Variants in CRTC3 observed in about 807,000 individuals in gnomAD.
The protein encoded by CRTC3 is CREB regulated transcription coactivator 3, also known as CREB-regulated transcription coactivator 3.
A neutral mutation model predicts 74.5 loss-of-function variants in CRTC3; 26 were observed. The ratio of observed to expected loss-of-function variants is 0.35; its 90% CI spans 0.26 to 0.48. The LOEUF (loss-of-function observed/expected upper bound fraction) is 0.48, where lower values mean the gene tolerates loss of function less well. Ranked by LOEUF, CRTC3 falls within the 20% of genes least tolerant of loss-of-function variation. The probability of loss-of-function intolerance (pLI) is 0.99; values close to 1 mark genes in which losing one functional copy is unlikely to be tolerated. For missense variants in CRTC3, 760 were observed against 787.3 expected (o/e 0.97, Z 0.41); for synonymous variants, 377 against 325.8 (o/e 1.16, Z -1.69).
intron 2 of CRTC3, among the ~76,000 whole-genome samples, chr15:90,593,281 G>A (rs1967842645): frequency 6.6e-6 from 1 of 152,184 alleles, no homozygotes; most frequent in South Asian, 2.1e-4. Flanking sequence ...CTCGTGGCTT[G>A]CCAGTTTCTT....
rs553743539 is a variant in CRTC3, at chr15:90,641,811, G to C, written c.1652-121G>C. ...TTCCAGGGCAAGAACTGTGGGCCTGGGGGTGGTCAGGATGTGTGGGATAGC... is the reference window on the plus strand; with the variant it reads ...TTCCAGGGCAAGAACTGTGGGCCTGCGGGTGGTCAGGATGTGTGGGATAGC... On this transcript the variant is annotated intron_variant, in intron 14 of 14. Coordinates refer to ENST00000268184, the MANE Select transcript of CRTC3 (RefSeq NM_022769.5). 4 of 739,528 alleles carry C rather than the reference G, an allele frequency of 5.4e-6. No homozygotes were observed. In the East Asian group the frequency reaches 7.5e-5, roughly 14 times the overall value. The allele number at this position is 739,528 out of a possible 1,614,324, so 45.8% of individuals were successfully genotyped here. A position where few individuals can be genotyped will look rare whatever the true frequency, so the allele number is the denominator to read the frequency against.
In CRTC3 at chr15:90,581,761, C is replaced by T. The variant is rs1348755342; in HGVS notation, c.232-11875C>T. On this transcript the variant is annotated intron_variant, in intron 2 of 14. Transcript: ENST00000268184. ...CCCTTTGTTTTTTCTCTTTTAATTC[C>T]AAATTACAATCTCTTCTAAACTCAG... 3.3e-5 allele frequency among the ~76,000 whole-genome samples: 5 copies of T among 152,126 alleles called. No homozygotes were observed. In the South Asian group the frequency reaches 1.0e-3, roughly 32 times the overall value.
rs1227320820 is a variant in CRTC3 at position 90,612,956 on chromosome 15, TG to T, written c.578-1494del. On this transcript the variant is annotated intron_variant, in intron 6 of 14. Coordinates refer to ENST00000268184, the MANE Select transcript of CRTC3 (RefSeq NM_022769.5). ...GCTCACACCTGTAATCCCAGCACTT[TG>T]GGAGGCTGAGGCAGACAGATTACCT... 2.6e-5 allele frequency among the ~76,000 whole-genome samples: 4 copies of T among 152,190 alleles called. No homozygotes were observed. The East Asian group carries it at 7.7e-4, about 29-fold the overall frequency.
chr15:90,575,584 C>T (rs1028995169), intron 2 of CRTC3, among the ~76,000 whole-genome samples: 6 of 152,040 alleles, frequency 3.9e-5, no homozygotes, highest in African/African-American at 7.3e-5. Context: ...ATCTTTTCTC[C>T]GATAGTTTAA....
chr15:90,615,084 A>AATT (rs1567185506), intron 7 of CRTC3, among the ~76,000 whole-genome samples: 46 of 147,546 alleles, frequency 3.1e-4, no homozygotes, highest in African/African-American at 1.2e-3. Flanking sequence ...ATAAATAAAT[A>AATT]AATAAATTAA....
rs532837017 is a variant in CRTC3, at chr15:90,643,294, G to C, written c.*1154G>C. ...CCCTTCCCTGCCAGATCTTCTCAGA[G>C]CTTTAGCTTTTCTAGCACTCGTGCC... On this transcript the variant is annotated 3_prime_UTR_variant, in exon 15 of 15. Coordinates refer to ENST00000268184, the MANE Select transcript of CRTC3 (RefSeq NM_022769.5). 8.6e-6 allele frequency: 2 copies of C among 231,958 alleles called. No individual in the cohort carries two copies. Among genetic ancestry groups the C allele is most frequent in the East Asian group, 1.2e-4 (2 of 16,380 alleles). 14.4% of individuals were successfully genotyped at this position (231,958 alleles called of 1,614,324 possible). A position where few individuals can be genotyped will look rare whatever the true frequency, so the allele number is the denominator to read the frequency against.
chr15:90,546,446 A>G lies in CRTC3; in HGVS notation c.231+6309A>G, dbSNP rs371134188. On this transcript the variant is annotated intron_variant, in intron 2 of 14. Transcript: ENST00000268184. Reference sequence around the variant, plus strand: ...TTCTGTGTCATTGGTTTCTTTGTCTATCATTTTGCTAATACCACACTGTCT... The same window carrying G: ...TTCTGTGTCATTGGTTTCTTTGTCTGTCATTTTGCTAATACCACACTGTCT... 2.6e-5 allele frequency among the ~76,000 whole-genome samples: 4 copies of G among 152,126 alleles called. No individual in the cohort carries two copies. The East Asian group carries it at 5.8e-4, about 22-fold the overall frequency.
intron 13 of CRTC3, among the ~76,000 whole-genome samples, chr15:90,640,685 A>T (rs997979536): frequency 6.6e-6 from 1 of 152,038 alleles, no homozygotes; most frequent in Non-Finnish European, 1.5e-5. Context: ...CTTTAAAAAA[A>T]AAAAGAAGAA....
chr15:90,565,436 G>A (rs1228223815), intron 2 of CRTC3, among the ~76,000 whole-genome samples: 1 of 152,178 alleles, frequency 6.6e-6, no homozygotes, highest in East Asian at 1.9e-4. Context: ...CATTAAATTA[G>A]GACAAATTTT....
chr15:90,627,891 G>C (rs548458862), intron 10 of CRTC3, among the ~76,000 whole-genome samples: 58 of 4,104 alleles, frequency 0.014, no homozygotes, highest in African/African-American at 0.056. Context: ...CGGGATTACA[G>C]GCGTGAGCCA....
chr15:90,565,768 A>C (rs907502639), intron 2 of CRTC3, among the ~76,000 whole-genome samples: 3 of 152,214 alleles, frequency 2.0e-5, no homozygotes, highest in Non-Finnish European at 4.4e-5. Flanking sequence ...CATCACCCAC[A>C]TAAGTTGGTG....
At chr15:90,551,902 C>A (rs542127346) in intron 2 of CRTC3, among the ~76,000 whole-genome samples, 7 of 148,598 alleles carry the variant, frequency 4.7e-5, no homozygotes, top group African/African-American at 1.7e-4. Flanking sequence ...GTAAGGCGCG[C>A]CCTTACATTA....
At chr15:90,536,334 T>G (rs1349728628) in intron 1 of CRTC3, among the ~76,000 whole-genome samples, 2 of 151,608 alleles carry the variant, frequency 1.3e-5, no homozygotes, top group Non-Finnish European at 2.9e-5. Flanking sequence ...CCAGGAATTC[T>G]AGACCAGCCT....
intron 6 of CRTC3, among the ~76,000 whole-genome samples, chr15:90,609,698 C>T (rs1013028267): frequency 2.0e-5 from 3 of 152,040 alleles, no homozygotes; most frequent in Non-Finnish European, 2.9e-5. Context: ...TCATTCTTAG[C>T]GATGTAGCCT....
In CRTC3 at chr15:90,608,917, A is replaced by G. The variant is rs192057792; in HGVS notation, c.577+1439A>G. Among the ~76,000 whole-genome samples, 12 of 152,324 alleles carry G rather than the reference A, an allele frequency of 7.9e-5. No homozygotes were observed. The East Asian group carries it at 2.3e-3, about 29-fold the overall frequency. ...ACAATGGTCTTGAATTATCCATTCC[A>G]TATGCAGATTGACTCTTGCCCAGAA... is the stretch of plus-strand genomic sequence containing the variant. On this transcript the variant is annotated intron_variant, in intron 6 of 14. Transcript: ENST00000268184.
intron 2 of CRTC3, among the ~76,000 whole-genome samples, chr15:90,589,277 G>A (rs1967742682): frequency 6.6e-6 from 1 of 152,034 alleles, no homozygotes; most frequent in African/African-American, 2.4e-5. Context: ...GGCTGGTCTT[G>A]AACTCCTGAC....
At chr15:90,628,229 A>G in intron 10 of CRTC3, among the ~76,000 whole-genome samples, 1 of 151,820 alleles carries the variant, frequency 6.6e-6, no homozygotes, top group East Asian at 2.0e-4. Flanking sequence ...AAAAAATAAT[A>G]ATAATAATAG....
At chr15:90,556,958 CTATATATATATATATATA>C (rs6145675) in intron 2 of CRTC3, among the ~76,000 whole-genome samples, 84,888 of 130,624 alleles carry the variant, frequency 0.65, 27,602 homozygotes, top group Middle Eastern at 0.74. Context: ...CACCACATGG[CTATATATATATATATATA>C]TATATATATA....
Position 90,615,866 on chromosome 15 carries a change from A to T in CRTC3, c.613+1378A>T, listed in dbSNP as rs920970141. ...TTTATTTTTATTTATTTTTATTTTT[A>T]TTTTTTTTTTGGAGACGGAGTCTCG... On this transcript the variant is annotated intron_variant, in intron 7 of 14. Transcript: ENST00000268184. Among the ~76,000 whole-genome samples the T allele has an allele frequency of 1.5e-4, 22 of 147,908 alleles. No homozygotes were observed. In the East Asian group the frequency reaches 3.1e-3, roughly 21 times the overall value.
Sources: allele counts gnomAD v4.1 joint callset (sites outside exome capture counted in the v4.1 genomes callset), GRCh38; gene constraint gnomAD v4.1.1; transcripts MANE v1.5; gene names NCBI Gene and HGNC (gene_info 2026-07-23, HGNC 2026-07-21).